The following GNAL variants were observed in gnomAD, a reference collection of about 807,000 sequenced individuals.
The protein encoded by GNAL is guanine nucleotide-binding protein G(olf) subunit alpha.
Under a neutral mutation model 55.1 loss-of-function variants are expected in GNAL, and 18 were observed. The observed-to-expected ratio is 0.33, with a 90% CI of 0.23 to 0.48. The LOEUF is 0.48. Among genes scored for constraint, GNAL ranks in the 20% least tolerant of loss-of-function variants. GNAL has a pLI of 0.99. For synonymous variants in GNAL, 253 were observed against 237.0 expected (o/e 1.07, Z -0.62); for missense variants, 412 against 614.1 (o/e 0.67, Z 3.48).
intron 1 of GNAL, among the ~76,000 whole-genome samples, chr18:11,721,807 A>T (rs906700304): frequency 1.1e-4 from 16 of 151,654 alleles, no homozygotes; most frequent in African/African-American, 3.9e-4. Context: ...TTGGCCTTGA[A>T]CCCTGGAGGT....
At chr18:11,719,781 A>T (rs1962389729) in intron 1 of GNAL, among the ~76,000 whole-genome samples, 1 of 152,204 alleles carries the variant, frequency 6.6e-6, no homozygotes, top group African/African-American at 2.4e-5. Flanking sequence ...GCAGCCATGG[A>T]CAGTGCAGAG....
At chr18:11,849,609 A>G (rs1419273065) in intron 5 of GNAL, among the ~76,000 whole-genome samples, 2 of 152,168 alleles carry the variant, frequency 1.3e-5, no homozygotes, top group Non-Finnish European at 2.9e-5. Context: ...ACCAGGACCT[A>G]AAAGAAGGGA....
chr18:11,862,531 G>A, intron 6 of GNAL, 82 bp downstream of exon 6: 1 of 1,195,376 alleles, frequency 8.4e-7, no homozygotes, highest in Non-Finnish European at 1.2e-6. Context: ...ATTTCAGAAT[G>A]AATTAAGGAA....
chr18:11,878,965 A>G (rs647609), intron 11 of GNAL, among the ~76,000 whole-genome samples: 115,574 of 141,454 alleles, frequency 0.82, 47,717 homozygotes, highest in African/African-American at 0.9. Flanking sequence ...AACTGGTTGG[A>G]GGAGTGGGGA....
intron 4 of GNAL, among the ~76,000 whole-genome samples, chr18:11,783,433 G>A (rs767705407): frequency 1.1e-4 from 17 of 152,100 alleles, no homozygotes; most frequent in Non-Finnish European, 2.2e-4. Context: ...TTAGCTAATC[G>A]GAAGAAAAAA....
chr18:11,738,955 G>T (rs1400801361), intron 1 of GNAL, among the ~76,000 whole-genome samples: 3 of 152,136 alleles, frequency 2.0e-5, no homozygotes, highest in Admixed American at 6.5e-5. Context: ...GCTCTTTGCC[G>T]CCCGACGTCA....
At chr18:11,717,182 A>G (rs971800581) in intron 1 of GNAL, among the ~76,000 whole-genome samples, 1 of 152,190 alleles carries the variant, frequency 6.6e-6, no homozygotes, top group Non-Finnish European at 1.5e-5. Flanking sequence ...CGGTGGGGCC[A>G]GTGGAGCCAG....
chr18:11,807,658 A>G (rs1183169915), intron 4 of GNAL, among the ~76,000 whole-genome samples: 1 of 152,222 alleles, frequency 6.6e-6, no homozygotes, highest in African/African-American at 2.4e-5. Context: ...TCCAGAATTC[A>G]GAGGAGAGGC....
chr18:11,745,040 A>G (rs183755065), intron 1 of GNAL, among the ~76,000 whole-genome samples: 165 of 152,340 alleles, frequency 1.1e-3, no homozygotes, highest in Middle Eastern at 3.4e-3. Flanking sequence ...CTGTTCCAGA[A>G]GTCTTAGTGC....
chr18:11,820,374 G>C (rs2143623119), intron 4 of GNAL, among the ~76,000 whole-genome samples: 1 of 152,226 alleles, frequency 6.6e-6, no homozygotes. Flanking sequence ...AGCTTCACTG[G>C]CTGGCTAAAT....
In GNAL at chr18:11,831,640, G is replaced by A. The variant is rs191346096; in HGVS notation, c.722+6625G>A. 2.0e-4 allele frequency among the ~76,000 whole-genome samples: 31 copies of A among 152,356 alleles called. 1 individual carries two copies. The highest frequency in any genetic ancestry group is 1.6e-3 in the Admixed American group (25 of 15,298). On this transcript the variant is annotated intron_variant, in intron 5 of 11. Transcript: ENST00000334049. The stretch of plus-strand genomic sequence containing the variant: ...AAGTATTCTGTTCTTGCCTTCAGGC[G>A]TTTCAACTTTGCCATCCCTGTTTAC...
chr18:11,753,512 C>T, intron 2 of GNAL, 116 bp from the exon 3 acceptor site: 1 of 685,396 alleles, frequency 1.5e-6, no homozygotes, highest in South Asian at 1.8e-5. Flanking sequence ...TTGATACTGA[C>T]CTCTAGTGAA....
chr18:11,722,840 T>C (rs1390735410), intron 1 of GNAL, among the ~76,000 whole-genome samples: 1 of 152,070 alleles, frequency 6.6e-6, no homozygotes, highest in Non-Finnish European at 1.5e-5. Flanking sequence ...GGAGAAACCC[T>C]GTCTCTATTA....
intron 1 of GNAL, among the ~76,000 whole-genome samples, chr18:11,703,619 C>T (rs1490464203): frequency 1.3e-5 from 2 of 152,124 alleles, no homozygotes; most frequent in Non-Finnish European, 2.9e-5. Context: ...AAAAGCATGC[C>T]GAGCTGTGGT....
intron 4 of GNAL, among the ~76,000 whole-genome samples, chr18:11,813,052 G>A (rs1008974982): frequency 5.9e-5 from 9 of 151,800 alleles, no homozygotes; most frequent in East Asian, 1.9e-4. Flanking sequence ...TCAGGAGTTC[G>A]AGACCAGCCT....
intron 4 of GNAL, among the ~76,000 whole-genome samples, chr18:11,823,163 G>A (rs1482067091): frequency 6.6e-6 from 1 of 152,098 alleles, no homozygotes; most frequent in Non-Finnish European, 1.5e-5. Context: ...TGTGTGTGAC[G>A]TGTGCGTGTG....
At chr18:11,875,052 G>A (rs2036498966) in intron 10 of GNAL, among the ~76,000 whole-genome samples, 1 of 152,210 alleles carries the variant, frequency 6.6e-6, no homozygotes, top group South Asian at 2.1e-4. Flanking sequence ...ACTCTTCCGG[G>A]GGAGAATGCC....
chr18:11,817,685 G>A (rs1224008164), intron 4 of GNAL, among the ~76,000 whole-genome samples: 1 of 151,900 alleles, frequency 6.6e-6, no homozygotes, highest in East Asian at 1.9e-4. Context: ...CACCTCCCAG[G>A]TTCCAGTGAT....
In GNAL at chr18:11,752,653, G is replaced by A; in HGVS notation, c.377-200G>A. 1.4e-6 allele frequency: 2 copies of A among 1,389,760 alleles called. No individual in the cohort carries two copies. Among genetic ancestry groups the A allele is most frequent in the Non-Finnish European group, 1.9e-6 (2 of 1,068,414 alleles). The allele number at this position is 1,389,760 out of a possible 1,614,324, so 86.1% of individuals were successfully genotyped here. Reference sequence around the variant, plus strand: ...CCAGGAGCGGCGAGCGCCAGGCTGGGCGGGCAGGGCCGGGCGAGGGTCGCG... The same window carrying A: ...CCAGGAGCGGCGAGCGCCAGGCTGGACGGGCAGGGCCGGGCGAGGGTCGCG... On this transcript the variant is annotated intron_variant, in intron 1 of 11. Coordinates refer to ENST00000334049, the MANE Select transcript of GNAL (RefSeq NM_182978.4). This position sits in a 1 kb window ranked among gnomAD's most constrained non-coding sequence, Gnocchi z 4.5.
Sources: allele counts gnomAD v4.1 joint callset (sites outside exome capture counted in the v4.1 genomes callset), GRCh38; gene constraint gnomAD v4.1.1; non-coding constraint Gnocchi (gnomAD v3.1); transcripts MANE v1.5; gene names NCBI Gene and HGNC (gene_info 2026-07-23, HGNC 2026-07-21).